The following ANTXR1 variants were observed in gnomAD, a reference collection of about 807,000 sequenced individuals.
ANTXR1 encodes the protein ANTXR cell adhesion molecule 1, also known as anthrax toxin receptor 1.
ANTXR1 carries 19 observed loss-of-function variants against 78.1 expected under a neutral mutation model. That is an observed-to-expected ratio of 0.24 (90% CI 0.17 to 0.36). The LOEUF is 0.36. Among genes scored for constraint, ANTXR1 ranks in the 10% least tolerant of loss-of-function variants. The probability of loss-of-function intolerance (pLI) is 1.00; values close to 1 mark genes in which losing one functional copy is unlikely to be tolerated. For synonymous variants in ANTXR1, 273 were observed against 260.5 expected (o/e 1.05, Z -0.46); for missense variants, 518 against 718.6 (o/e 0.72, Z 3.19).
chr2:69,096,625 A>G (rs962010477), intron 9 of ANTXR1, among the ~76,000 whole-genome samples: 1 of 152,136 alleles, frequency 6.6e-6, no homozygotes, highest in African/African-American at 2.4e-5. Flanking sequence ...TACAAGTCCT[A>G]TCTGATCTGC....
At chr2:69,037,795 T>G (rs1648611844) in intron 1 of ANTXR1, among the ~76,000 whole-genome samples, 2 of 152,130 alleles carry the variant, frequency 1.3e-5, no homozygotes, top group Admixed American at 6.5e-5. Context: ...GAAGAGTTGC[T>G]TGCCACTGCG....
intron 17 of ANTXR1, among the ~76,000 whole-genome samples, chr2:69,223,560 C>G (rs1026524687): frequency 9.2e-5 from 14 of 152,164 alleles, no homozygotes; most frequent in African/African-American, 3.4e-4. Context: ...TAAGTTTGAT[C>G]CAAACTGGGA....
At chr2:69,185,312 GGGTGGATCACAA>G (rs1314400565) in intron 16 of ANTXR1, among the ~76,000 whole-genome samples, 1 of 152,168 alleles carries the variant, frequency 6.6e-6, no homozygotes, top group African/African-American at 2.4e-5. Context: ...AGGCCGAGGA[GGGTGGATCACAA>G]GGTCAGGAGT....
chr2:69,026,157 G>T (rs1671337594), intron 1 of ANTXR1, among the ~76,000 whole-genome samples: 2 of 152,160 alleles, frequency 1.3e-5, no homozygotes, highest in Admixed American at 1.3e-4. Flanking sequence ...CCCTTCCATG[G>T]GGAGGCAGTG....
rs114174662 is a variant in ANTXR1 at position 69,109,763 on chromosome 2, T to C, written c.802+6823T>C. ...AAAATTCTAGAGGGAAACAAAAAAATGTATATAATCTTCCAGGTGGGAAGG... is the reference window on the plus strand; with the variant it reads ...AAAATTCTAGAGGGAAACAAAAAAACGTATATAATCTTCCAGGTGGGAAGG... On this transcript the variant is annotated intron_variant, in intron 10 of 17. Coordinates refer to ENST00000303714, the MANE Select transcript of ANTXR1 (RefSeq NM_032208.3). Among the ~76,000 whole-genome samples the C allele has an allele frequency of 7.8e-3, 1,186 of 152,206 alleles. 13 individuals carry two copies. Among genetic ancestry groups the C allele is most frequent in the South Asian group, 0.019 (90 of 4,820 alleles).
intron 2 of ANTXR1, 137 bp from the exon 3 acceptor site, chr2:69,044,605 C>G (rs1669707456): frequency 1.2e-6 from 1 of 861,102 alleles, no homozygotes; most frequent in African/African-American, 1.7e-5. Context: ...GCAGCACCAG[C>G]CTAGGAGGCC....
chr2:69,072,889 A>G (rs933252476), intron 5 of ANTXR1, 133 bp from the exon 6 acceptor site: 5 of 914,970 alleles, frequency 5.5e-6, no homozygotes, highest in African/African-American at 3.3e-5. Flanking sequence ...TCCAGGCCCA[A>G]AAGAAAAGTT....
At chr2:69,147,215 A>T (rs1040212391) in intron 12 of ANTXR1, among the ~76,000 whole-genome samples, 1 of 152,386 alleles carries the variant, frequency 6.6e-6, no homozygotes, top group African/African-American at 2.4e-5. Flanking sequence ...GAGTGTCTTC[A>T]TCTTGGAACG....
intron 3 of ANTXR1, among the ~76,000 whole-genome samples, chr2:69,064,167 T>C (rs930463917): frequency 6.6e-6 from 1 of 152,208 alleles, no homozygotes; most frequent in Non-Finnish European, 1.5e-5. Context: ...CAGCATATCA[T>C]TGATTTATTA....
intron 13 of ANTXR1, among the ~76,000 whole-genome samples, chr2:69,169,945 T>C (rs1205750572): frequency 6.6e-6 from 1 of 152,258 alleles, no homozygotes; most frequent in Non-Finnish European, 1.5e-5. Context: ...AATGAGTGAA[T>C]AAATTTGCAT....
At chr2:69,042,040 T>G (rs1669629232) in intron 2 of ANTXR1, among the ~76,000 whole-genome samples, 1 of 152,170 alleles carries the variant, frequency 6.6e-6, no homozygotes, top group South Asian at 2.1e-4. Flanking sequence ...TTTAAATAAG[T>G]GAATGAATGG....
chr2:69,214,057 G>A (rs74405948), intron 17 of ANTXR1, among the ~76,000 whole-genome samples: 7,978 of 152,324 alleles, frequency 0.052, 550 homozygotes, highest in African/African-American at 0.15. Context: ...CCAGAGCAGC[G>A]CCTCCACACT....
chr2:69,245,552 T>C lies in ANTXR1; in HGVS notation c.*67T>C, dbSNP rs546821111. 1.6e-4 allele frequency: 261 copies of C among 1,596,228 alleles called. No homozygotes were observed. The highest frequency in any genetic ancestry group is 3.3e-4 in the Middle Eastern group (2 of 5,972). On this transcript the variant is annotated 3_prime_UTR_variant, in exon 18 of 18. Transcript: ENST00000303714. ...AGATGTTAGAACAAGTCTTTCCAGT[T>C]AGAGAAGAGGAGTGGTGATAAAGCC...
chr2:69,118,836 C>T (rs1672245844), intron 10 of ANTXR1, among the ~76,000 whole-genome samples: 1 of 152,118 alleles, frequency 6.6e-6, no homozygotes, highest in African/African-American at 2.4e-5. Context: ...AATGGCCCTC[C>T]TTTGTTTAGA....
rs1671778895 is a variant in ANTXR1, at chr2:69,105,487, T to TA, written c.802+2549dup. ...AGGAAAACACTTGGCCTTTAGTTAG[T>TA]AATTCACCTGTTCATTTCCATGGAG... On this transcript the variant is annotated intron_variant, in intron 10 of 17. Transcript: ENST00000303714. Among the ~76,000 whole-genome samples, 3 of 152,370 alleles carry TA rather than the reference T, an allele frequency of 2.0e-5. No individual in the cohort carries two copies. The South Asian group carries it at 6.2e-4, about 32-fold the overall frequency.
intron 12 of ANTXR1, among the ~76,000 whole-genome samples, chr2:69,134,425 A>G (rs1008255959): frequency 6.6e-6 from 1 of 152,166 alleles, no homozygotes; most frequent in African/African-American, 2.4e-5. Flanking sequence ...CGTTTTTAAA[A>G]AGGCCTTTTT....
At chr2:69,130,256 C>G (rs1460331105) in intron 12 of ANTXR1, among the ~76,000 whole-genome samples, 1 of 152,040 alleles carries the variant, frequency 6.6e-6, no homozygotes, top group Non-Finnish European at 1.5e-5. Context: ...AAGAAAATGA[C>G]CTAAAGTTAG....
chr2:69,030,214 C>G (rs191781675), intron 1 of ANTXR1, among the ~76,000 whole-genome samples: 1 of 152,288 alleles, frequency 6.6e-6, no homozygotes, highest in East Asian at 1.9e-4. Flanking sequence ...GGATTTGTCT[C>G]TGTGAAGGAG....
chr2:69,069,879 G>A (rs1344164811), intron 3 of ANTXR1, among the ~76,000 whole-genome samples: 1 of 152,168 alleles, frequency 6.6e-6, no homozygotes, highest in Non-Finnish European at 1.5e-5. Flanking sequence ...ACCCTTCATA[G>A]GGTTACAGTT....
Sources: gnomAD v4.1 joint callset for allele counts (sites outside exome capture counted in the v4.1 genomes callset) on GRCh38, gnomAD v4.1.1 for gene constraint, MANE v1.5 for transcripts, NCBI Gene and HGNC (gene_info 2026-07-23, HGNC 2026-07-21) for gene names.